Variants in SH3TC1 observed in about 807,000 individuals in gnomAD.
SH3TC1 encodes the protein SH3 domain and tetratricopeptide repeat-containing protein 1.
SH3TC1 carries 135 observed loss-of-function variants against 117.3 expected under a neutral mutation model. The observed-to-expected ratio is 1.15, with a 90% CI of 1.00 to 1.33. The LOEUF (loss-of-function observed/expected upper bound fraction) is 1.33, where lower values mean the gene tolerates loss of function less well. Among genes scored for constraint, SH3TC1 ranks in the 40% most tolerant of loss-of-function variants. The probability of loss-of-function intolerance (pLI) is 0.00; values close to 1 mark genes in which losing one functional copy is unlikely to be tolerated. For missense variants in SH3TC1, 2,092 were observed against 1,794.3 expected (o/e 1.17, Z -3.00); for synonymous variants, 898 against 816.9 (o/e 1.10, Z -1.69).
In SH3TC1 at chr4:8,225,029, C is replaced by A; in HGVS notation, c.1244-146C>A. ...CTGCACCCTGCAACACTCCAGCCCG[C>A]AACACCAGCACCCTGCAACATCTCA... On this transcript the variant is annotated intron_variant, in intron 10 of 17. Coordinates refer to ENST00000245105, the MANE Select transcript of SH3TC1 (RefSeq NM_018986.5). The surrounding 1 kb of genome is among the most constrained non-coding windows in gnomAD (Gnocchi z 5.5). 5.1e-6 allele frequency: 5 copies of A among 983,496 alleles called. No homozygotes were observed. The highest frequency in any genetic ancestry group is 1.6e-5 in the South Asian group (1 of 63,830). 60.9% of individuals were successfully genotyped at this position (983,496 alleles called of 1,614,324 possible).
At chr4:8,226,723 A>C (rs1358581508) in intron 11 of SH3TC1, among the ~76,000 whole-genome samples, 5 of 152,200 alleles carry the variant, frequency 3.3e-5, no homozygotes. Flanking sequence ...GGAGGACAGG[A>C]GGGTGATTTC....
intron 1 of SH3TC1, among the ~76,000 whole-genome samples, chr4:8,201,984 C>G (rs759974707): frequency 3.3e-5 from 5 of 152,188 alleles, no homozygotes; most frequent in African/African-American, 7.2e-5. Context: ...GACAAGGACT[C>G]CAAGGTCAGG....
intron 1 of SH3TC1, among the ~76,000 whole-genome samples, chr4:8,189,301 C>A (rs1298630281): frequency 6.6e-6 from 1 of 152,234 alleles, no homozygotes; most frequent in South Asian, 2.1e-4. Context: ...GTGCAGGGGA[C>A]CTGCCTAGGA....
intron 8 of SH3TC1, 147 bp from the exon 9 acceptor site, chr4:8,219,188 C>A: frequency 2.8e-6 from 2 of 704,554 alleles, no homozygotes; most frequent in Non-Finnish European, 4.5e-6. Flanking sequence ...TTCCCTCCCT[C>A]ATTGCGGAAA....
intron 1 of SH3TC1, among the ~76,000 whole-genome samples, chr4:8,189,677 A>C (rs752434541): frequency 6.6e-6 from 1 of 152,186 alleles, no homozygotes; most frequent in Non-Finnish European, 1.5e-5. Context: ...GGCGGGGGGC[A>C]GTAGGTGTCC....
intron 2 of SH3TC1, among the ~76,000 whole-genome samples, chr4:8,207,551 A>C (rs1423019146): frequency 6.6e-6 from 1 of 152,108 alleles, no homozygotes; most frequent in Non-Finnish European, 1.5e-5. Flanking sequence ...TAATTAGGCA[A>C]CCCTTCTCCA....
chr4:8,194,445 T>C (rs114869470), upstream of SH3TC1, among the ~76,000 whole-genome samples: 357 of 152,322 alleles, frequency 2.3e-3, 1 homozygote, highest in African/African-American at 7.9e-3. Flanking sequence ...CCCAGACTCC[T>C]GAGCAGCCAG....
At chr4:8,234,279 CCATCCATCATT>C (rs2152996639) in intron 14 of SH3TC1, among the ~76,000 whole-genome samples, 2 of 152,140 alleles carry the variant, frequency 1.3e-5, no homozygotes, top group South Asian at 4.1e-4. Context: ...ATCCATTTAT[CCATCCATCATT>C]CATCCATCCA....
Position 8,228,297 on chromosome 4 carries a change from T to C in SH3TC1, c.2603T>C (p.Met868Thr), listed in dbSNP as rs1407050913. The change falls in exon 12 of 18, where the codon ATG becomes ACG. Residue 868 changes from methionine to threonine, a missense_variant. By Grantham distance (81) the Met-to-Thr change is moderately conservative. Transcript: ENST00000245105. ...GACCAGGAGGGCGTGATTGCCAACA[T>C]GGTGGCCGTGGCTCTGAAGAGGACG... is the stretch of plus-strand genomic sequence containing the variant. ...SEDQEGVIANMVAVALKRTGR... is the reference protein window; with the variant it reads ...SEDQEGVIANTVAVALKRTGR... 1.2e-6 allele frequency: 2 copies of C among 1,612,128 alleles called. No individual in the cohort carries two copies. Among genetic ancestry groups the C allele is most frequent in the African/African-American group, 2.7e-5 (2 of 74,922 alleles).
intron 6 of SH3TC1, 51 bp downstream of exon 6, chr4:8,216,308 C>T (rs376429563): frequency 5.9e-5 from 94 of 1,584,760 alleles, no homozygotes; most frequent in African/African-American, 1.6e-4. Context: ...GGGGCACTCC[C>T]GGGCCATGGG....
chr4:8,225,710 T>C lies in SH3TC1; in HGVS notation c.1285+494T>C, dbSNP rs1286056697. 6.6e-6 allele frequency among the ~76,000 whole-genome samples: 1 copy of C among 152,124 alleles called. No individual in the cohort carries two copies. Among genetic ancestry groups the C allele is most frequent in the Non-Finnish European group, 1.5e-5 (1 of 68,016 alleles). On this transcript the variant is annotated intron_variant, in intron 11 of 17. Coordinates refer to ENST00000245105, the MANE Select transcript of SH3TC1 (RefSeq NM_018986.5). The surrounding 1 kb of genome is among the most constrained non-coding windows in gnomAD (Gnocchi z 5.5). ...ATCTCCCCTCTACAGCTCTGTCTCT[T>C]CCCCTCACACAGGGTCCGCATGGGG...
At chr4:8,231,869 G>A in intron 12 of SH3TC1, 107 bp from the exon 13 acceptor site, 1 of 1,336,082 alleles carries the variant, frequency 7.5e-7, no homozygotes, top group East Asian at 2.3e-5. Context: ...TGGGGCCCAG[G>A]CTCACAGAGG....
Position 8,231,835 on chromosome 4 carries a change from G to A in SH3TC1, c.2951-141G>A. 5.5e-6 allele frequency: 5 copies of A among 902,974 alleles called. No individual in the cohort carries two copies. The South Asian group carries it at 8.3e-5, about 15-fold the overall frequency. 55.9% of individuals were successfully genotyped at this position (902,974 alleles called of 1,614,324 possible). The stretch of plus-strand genomic sequence containing the variant: ...TGCACCAAGCTGTGCCCATGTCACG[G>A]TGTGCTCAGCGGTTCCCCGCCTGTG... On this transcript the variant is annotated intron_variant, in intron 12 of 17. Transcript: ENST00000245105.
intron 16 of SH3TC1, chr4:8,237,201 C>G: frequency 2.5e-6 from 1 of 392,924 alleles, no homozygotes; most frequent in Non-Finnish European, 4.5e-6. Context: ...TTGGGCTCTC[C>G]TGGTTAAAAA....
intron 2 of SH3TC1, among the ~76,000 whole-genome samples, chr4:8,207,720 C>A (rs1281133): frequency 0.82 from 124,641 of 152,134 alleles, 51,604 homozygotes; most frequent in Non-Finnish European, 0.89. Flanking sequence ...TGGGCTTTCC[C>A]TGTGTCTTCG....
In SH3TC1 at chr4:8,216,949, T is replaced by C. The variant is rs1719342005; in HGVS notation, c.629-8T>C. ...CCACCCTCAGTGACCACCTCCATCC[T>C]TTTGAAGGGCCCTTCTTTGTCCTGT... On this transcript the variant is annotated splice_region_variant and splice_polypyrimidine_tract_variant and intron_variant, in intron 6 of 17. Transcript: ENST00000245105. 6.2e-7 allele frequency: 1 copy of C among 1,613,968 alleles called. No homozygotes were observed. The highest frequency in any genetic ancestry group is 8.5e-7 in the Non-Finnish European group (1 of 1,179,892).
intron 12 of SH3TC1, chr4:8,231,761 G>C: frequency 1.7e-6 from 1 of 585,360 alleles, no homozygotes; most frequent in Non-Finnish European, 3.0e-6. Flanking sequence ...CTCGGCTAGG[G>C]CCTCAGCCCT....
intron 13 of SH3TC1, 180 bp downstream of exon 13, chr4:8,232,336 C>A (rs1578739842): frequency 1.3e-6 from 2 of 1,537,416 alleles, no homozygotes; most frequent in African/African-American, 1.4e-5. Flanking sequence ...GCTGATGACC[C>A]GTGAGTCCCA....
chr4:8,223,068 G>A, intron 10 of SH3TC1, 98 bp downstream of exon 10: 5 of 1,474,592 alleles, frequency 3.4e-6, no homozygotes, highest in Non-Finnish European at 4.5e-6. Context: ...GCCAGCCCCT[G>A]GATGCTGAAA....
Sources: allele counts gnomAD v4.1 joint callset (sites outside exome capture counted in the v4.1 genomes callset), GRCh38; gene constraint gnomAD v4.1.1; non-coding constraint Gnocchi (gnomAD v3.1); transcripts MANE v1.5; gene names NCBI Gene and HGNC (gene_info 2026-07-23, HGNC 2026-07-21).